Variants in KCNK17 observed in about 807,000 individuals in gnomAD.
KCNK17 encodes the protein potassium channel subfamily K member 17.
In KCNK17, 27 loss-of-function variants were observed where a neutral mutation model predicts 24.6. That is an observed-to-expected ratio of 1.10 (90% CI 0.81 to 1.51). The LOEUF is 1.51. KCNK17 is among the 40% of genes most tolerant of loss of function. The pLI, the probability that KCNK17 is intolerant of heterozygous loss-of-function variation, is 0.00. For synonymous variants in KCNK17, 181 were observed against 189.8 expected (o/e 0.95, Z 0.38); for missense variants, 450 against 436.6 (o/e 1.03, Z -0.27).
At chr6:39,310,514 C>A (rs1762115004) in intron 2 of KCNK17, among the ~76,000 whole-genome samples, 1 of 152,174 alleles carries the variant, frequency 6.6e-6, no homozygotes, top group Non-Finnish European at 1.5e-5. Flanking sequence ...CCGACCACCA[C>A]TCCCGGGGCT....
chr6:39,304,822 A>C (rs1202811976), intron 2 of KCNK17, among the ~76,000 whole-genome samples, 167 bp from the exon 3 acceptor site: 2 of 152,340 alleles, frequency 1.3e-5, no homozygotes, highest in South Asian at 4.1e-4. Flanking sequence ...GGCACTGTGC[A>C]GGGCACCCTG....
In KCNK17 at chr6:39,300,015, G is replaced by A. The variant is rs147634594; in HGVS notation, c.689-278C>T. Among the ~76,000 whole-genome samples the A allele has an allele frequency of 4.5e-3, 685 of 152,300 alleles. 1 individual carries two copies. Among genetic ancestry groups the A allele is most frequent in the Middle Eastern group, 0.014 (4 of 294 alleles). On this transcript the variant is annotated intron_variant, in intron 4 of 4. Coordinates refer to ENST00000373231, the MANE Select transcript of KCNK17 (RefSeq NM_031460.4). ...TTCTCAAAGTGTGGTCCCTGGGGCC[G>A]GCAGCATCAGCATCCCTGAGAGCTT...
Position 39,314,373 on chromosome 6 carries a change from G to A in KCNK17, c.-53C>T. 1 of 1,272,870 alleles carries A rather than the reference G, an allele frequency of 7.9e-7. No individual in the cohort carries two copies. The highest frequency in any genetic ancestry group is 1.0e-6 in the Non-Finnish European group (1 of 970,770). 78.8% of individuals were successfully genotyped at this position (1,272,870 alleles called of 1,614,324 possible). A position where few individuals can be genotyped will look rare whatever the true frequency, so the allele number is the denominator to read the frequency against. ...GGAGCGGTGGACTAGGACCCGGTGG[G>A]AGGGAAGGGCCAGGCGTCCAGCTCG... On this transcript the variant is annotated 5_prime_UTR_variant, in exon 1 of 5. Coordinates refer to ENST00000373231, the MANE Select transcript of KCNK17 (RefSeq NM_031460.4).
intron 4 of KCNK17, chr6:39,300,670 C>T: frequency 1.4e-6 from 1 of 729,904 alleles, no homozygotes; most frequent in Non-Finnish European, 2.3e-6. Flanking sequence ...AGTCCAAATC[C>T]TCAAGGCCCT....
At position 39,311,033 on chromosome 6, in the gene KCNK17, C is replaced by T. The variant is rs536269982; in HGVS notation, c.238-26G>A. On this transcript the variant is annotated intron_variant, in intron 1 of 4. Coordinates refer to ENST00000373231, the MANE Select transcript of KCNK17 (RefSeq NM_031460.4). ...CTGGGGAAGAGGCTGCAATGACCAC[C>T]AGGCTCTGTGGGGTGATGGATTTCC... The T allele has an allele frequency of 4.1e-6, 6 of 1,475,196 alleles. No homozygotes were observed. The Admixed American group carries it at 1.1e-4, about 26-fold the overall frequency. 91.4% of individuals were successfully genotyped at this position (1,475,196 alleles called of 1,614,324 possible).
At chr6:39,310,737 G>A (rs540153628) in intron 2 of KCNK17, among the ~76,000 whole-genome samples, 156 bp downstream of exon 2, 2 of 152,236 alleles carry the variant, frequency 1.3e-5, no homozygotes, top group East Asian at 3.9e-4. Context: ...AGTGAGGCCC[G>A]AGACTGCTCC....
Position 39,314,314 on chromosome 6 carries a change from G to T in KCNK17, c.7C>A (p.Arg3=). ...TCGGGAGCCGCCCGGGCTCGCGGTC[G>T]GTACATAGCGGGAGAGGCGGGGAGC... The part of the protein sequence containing the change: MY[R]PRARAAPEGR... Residue 3 remains arginine (R), a synonymous_variant, in exon 1 of 5, where the codon CGA becomes AGA. Transcript: ENST00000373231. 2 of 1,421,600 alleles carry T rather than the reference G, an allele frequency of 1.4e-6. No homozygotes were observed. The highest frequency in any genetic ancestry group is 1.8e-6 in the Non-Finnish European group (2 of 1,090,732). The allele number at this position is 1,421,600 out of a possible 1,614,324, so 88.1% of individuals were successfully genotyped here.
rs1762128001 is a variant in KCNK17 at position 39,311,080 on chromosome 6, A to G, written c.238-73T>C. The G allele has an allele frequency of 5.1e-5, 10 of 194,574 alleles. No individual in the cohort carries two copies. In the South Asian group the frequency reaches 6.1e-4, roughly 12 times the overall value. The allele number at this position is 194,574 out of a possible 1,614,324, so 12.1% of individuals were successfully genotyped here. A position where few individuals can be genotyped will look rare whatever the true frequency, so the allele number is the denominator to read the frequency against. On this transcript the variant is annotated intron_variant, in intron 1 of 4. Transcript: ENST00000373231. ...TTCCTGTACCCCAAGATGCACACAC[A>G]CACACACACACACACACACACACAC...
Position 39,310,979 on chromosome 6 carries a change from G to A in KCNK17, c.266C>T (p.Ala89Val). 1 of 1,606,682 alleles carries A rather than the reference G, an allele frequency of 6.2e-7. No homozygotes were observed. Among genetic ancestry groups the A allele is most frequent in the Non-Finnish European group, 8.5e-7 (1 of 1,174,502 alleles). The stretch of plus-strand genomic sequence containing the variant: ...GCTGGTGGTGTTGCTGAGGAGGCTG[G>A]CTCCGTTTTTGTATGCTTGGACGAC... ...RDVVQAYKNG[A>V]SLLSNTTSMG... The change falls in exon 2 of 5, where the codon GCC (alanine) becomes GTC (valine). Residue 89 changes from alanine to valine, a missense_variant. Coordinates refer to ENST00000373231, the MANE Select transcript of KCNK17 (RefSeq NM_031460.4).
chr6:39,310,017 C>T (rs73420551), intron 2 of KCNK17, among the ~76,000 whole-genome samples: 6,876 of 152,288 alleles, frequency 0.045, 515 homozygotes, highest in African/African-American at 0.15. Flanking sequence ...TTGCCTTACC[C>T]AACCCTGTGG....
At chr6:39,309,255 C>T (rs976692619) in intron 2 of KCNK17, among the ~76,000 whole-genome samples, 6 of 152,140 alleles carry the variant, frequency 3.9e-5, no homozygotes, top group East Asian at 1.9e-4. Flanking sequence ...ACCTGGGAGG[C>T]GGAGGTTTCA....
Position 39,314,230 on chromosome 6 carries a change from C to T in KCNK17, c.91G>A (p.Ala31Thr). The change falls in exon 1 of 5, where the codon GCT becomes ACT. Residue 31 changes from alanine (A) to threonine (T), a missense_variant. Transcript: ENST00000373231. ...STVLLLLAYLAYLALGTGVFW... is the reference protein window; with the variant it reads ...STVLLLLAYLTYLALGTGVFW... ...ACGCCGGTGCCCAGCGCCAGGTAAG[C>T]CAGGTAGGCGAGCAGCAGGAGCACG... is the stretch of plus-strand genomic sequence containing the variant. The T allele has an allele frequency of 6.5e-7, 1 of 1,538,860 alleles. No homozygotes were observed.
Position 39,299,260 on chromosome 6 carries a change from T to A in KCNK17, c.*167A>T. 1 of 602,470 alleles carries A rather than the reference T, an allele frequency of 1.7e-6. No individual in the cohort carries two copies. The highest frequency in any genetic ancestry group is 2.9e-6 in the Non-Finnish European group (1 of 345,794). 37.3% of individuals were successfully genotyped at this position (602,470 alleles called of 1,614,324 possible). ...CGACACCCGAAAGTCACATCCCATGTCACCCAGGACATGTCTCTGTATACC... is the reference window on the plus strand; with the variant it reads ...CGACACCCGAAAGTCACATCCCATGACACCCAGGACATGTCTCTGTATACC... On this transcript the variant is annotated 3_prime_UTR_variant, in exon 5 of 5. Coordinates refer to ENST00000373231, the MANE Select transcript of KCNK17 (RefSeq NM_031460.4).
At chr6:39,311,071 TGCACACACAC>T in intron 1 of KCNK17, 64 bp from the exon 2 acceptor site, 1 of 662,578 alleles carries the variant, frequency 1.5e-6, no homozygotes, top group African/African-American at 2.2e-5. Flanking sequence ...TACCCCAAGA[TGCACACACAC>T]ACACACACAC....
At chr6:39,309,010 G>C (rs1010185203) in intron 2 of KCNK17, among the ~76,000 whole-genome samples, 5 of 152,144 alleles carry the variant, frequency 3.3e-5, no homozygotes, top group African/African-American at 1.2e-4. Context: ...CAACATCTCT[G>C]TGCCACCGTG....
intron 2 of KCNK17, among the ~76,000 whole-genome samples, chr6:39,309,992 A>G (rs1251692488): frequency 6.6e-6 from 1 of 152,128 alleles, no homozygotes. Context: ...TAGATGGAGA[A>G]TCCTCTGGGT....
rs1237370466 is a variant in KCNK17 at position 39,299,683 on chromosome 6, C to A, written c.743G>T (p.Trp248Leu). 2 of 1,614,016 alleles carry A rather than the reference C, an allele frequency of 1.2e-6. No individual in the cohort carries two copies. The highest frequency in any genetic ancestry group is 1.3e-5 in the African/African-American group (1 of 74,890). Reference protein sequence around the residue: ...PLWYKNMVSLWILFGMAWLAL... With the variant: ...PLWYKNMVSLLILFGMAWLAL... ...CAGCCATGCCATCCCAAAGAGGATC[C>A]ACAGGGACACCATGTTCTTGTACCA... The change falls in exon 5 of 5, where the codon TGG becomes TTG. Residue 248 changes from tryptophan (W) to leucine (L), a missense_variant. Coordinates refer to ENST00000373231, the MANE Select transcript of KCNK17 (RefSeq NM_031460.4).
In KCNK17 at chr6:39,311,101, CACACACA is replaced by C. The variant is rs1283026098; in HGVS notation, c.238-101_238-95del. 1.4e-3 allele frequency: 788 copies of C among 565,498 alleles called. 7 individuals carry two copies. The highest frequency in any genetic ancestry group is 0.013 in the African/African-American group (629 of 47,434). 35.0% of individuals were successfully genotyped at this position (565,498 alleles called of 1,614,324 possible). On this transcript the variant is annotated intron_variant, in intron 1 of 4. Transcript: ENST00000373231. ...ACACACACACACACACACACACACA[CACACACA>C]CACACACACACAAACAAACCTACAC... is the stretch of plus-strand genomic sequence containing the variant.
intron 1 of KCNK17, 50 bp from the exon 2 acceptor site, chr6:39,311,057 C>T: frequency 1.1e-6 from 1 of 949,106 alleles, no homozygotes; most frequent in Non-Finnish European, 1.7e-6. Context: ...TGATGGATTT[C>T]CTGTACCCCA....
Sources: gnomAD v4.1 joint callset for allele counts (sites outside exome capture counted in the v4.1 genomes callset) on GRCh38, gnomAD v4.1.1 for gene constraint, MANE v1.5 for transcripts, NCBI Gene and HGNC (gene_info 2026-07-23, HGNC 2026-07-21) for gene names.